ELAVL4: variants seen among roughly 807,000 people sequenced by gnomAD.
The protein encoded by ELAVL4 is ELAV-like protein 4.
ELAVL4 carries 1 observed loss-of-function variant against 35.6 expected under a neutral mutation model. The observed-to-expected ratio is 0.03, with a 90% CI of 0.01 to 0.13. ELAVL4 has a LOEUF of 0.13. Ranked by LOEUF, ELAVL4 falls within the 10% of genes least tolerant of loss-of-function variation. The pLI is 1.00. For missense variants in ELAVL4, 267 were observed against 464.9 expected (o/e 0.57, Z 3.91); for synonymous variants, 156 against 171.0 (o/e 0.91, Z 0.69).
chr1:50,086,937 C>T (rs1557694699), intron 1 of ELAVL4, among the ~76,000 whole-genome samples: 1 of 152,144 alleles, frequency 6.6e-6, no homozygotes, highest in Non-Finnish European at 1.5e-5. Context: ...CAAGTCACTC[C>T]TTGGCCTCTG....
At chr1:50,060,326 A>C (rs2148476439) in intron 1 of ELAVL4, among the ~76,000 whole-genome samples, 2 of 152,334 alleles carry the variant, frequency 1.3e-5, no homozygotes, top group South Asian at 4.1e-4. Context: ...GTTTATCAAA[A>C]GCTCGACTTC....
intron 2 of ELAVL4, among the ~76,000 whole-genome samples, chr1:50,148,280 C>G (rs939703471): frequency 1.3e-5 from 2 of 152,184 alleles, no homozygotes; most frequent in Non-Finnish European, 2.9e-5. Context: ...CCTGCCTAAC[C>G]TGCACTTCAT....
chr1:50,121,860 C>T (rs1669096251), intron 1 of ELAVL4, among the ~76,000 whole-genome samples: 2 of 151,944 alleles, frequency 1.3e-5, no homozygotes, highest in African/African-American at 4.8e-5. Flanking sequence ...AACCTTATGC[C>T]TTGGTTGTGC....
intron 2 of ELAVL4, among the ~76,000 whole-genome samples, chr1:50,172,619 G>C (rs755247158): frequency 1.3e-5 from 2 of 152,130 alleles, no homozygotes; most frequent in Non-Finnish European, 2.9e-5. Context: ...AGAGTTGTCA[G>C]GGACCCTAAG....
intron 1 of ELAVL4, among the ~76,000 whole-genome samples, chr1:50,140,852 A>T (rs939730340): frequency 8.5e-5 from 13 of 152,134 alleles, no homozygotes; most frequent in African/African-American, 3.1e-4. Flanking sequence ...GAATGACTTG[A>T]CCTAATTTAT....
intron 1 of ELAVL4, among the ~76,000 whole-genome samples, chr1:50,052,053 A>T (rs1392708673): frequency 6.6e-6 from 1 of 152,050 alleles, no homozygotes; most frequent in African/African-American, 2.4e-5. Flanking sequence ...TACCTTAATT[A>T]CTTTTTTAAA....
chr1:50,053,850 A>G (rs1663523769), intron 1 of ELAVL4, among the ~76,000 whole-genome samples: 2 of 152,226 alleles, frequency 1.3e-5, no homozygotes, highest in Non-Finnish European at 2.9e-5. Flanking sequence ...GAGTAAGATA[A>G]AGAGGGATAA....
Position 50,081,529 on chromosome 1 carries a change from T to C in ELAVL4, c.18+33347T>C, listed in dbSNP as rs1238457199. ...TTCATCCAGATTCTGATTCAGTGTG[T>C]CTGGGCTAGAGCCCAGGAATCTGCC... is the stretch of plus-strand genomic sequence containing the variant. On this transcript the variant is annotated intron_variant, in intron 1 of 6. Transcript: ENST00000448907. 4.6e-5 allele frequency among the ~76,000 whole-genome samples: 7 copies of C among 152,382 alleles called. 2 individuals are homozygous for C. The highest frequency in any genetic ancestry group is 6.8e-3 in the Middle Eastern group (2 of 294).
At chr1:50,182,452 G>T (rs1265822466) in intron 3 of ELAVL4, among the ~76,000 whole-genome samples, 2 of 152,188 alleles carry the variant, frequency 1.3e-5, no homozygotes, top group Non-Finnish European at 2.9e-5. Flanking sequence ...AGAAGCTCCT[G>T]TCTCATGGGG....
chr1:50,061,645 G>T (rs1663982286), intron 1 of ELAVL4, among the ~76,000 whole-genome samples: 1 of 152,206 alleles, frequency 6.6e-6, no homozygotes, highest in Non-Finnish European at 1.5e-5. Flanking sequence ...AAGGAGTGCA[G>T]TTAGATGACA....
intron 1 of ELAVL4, among the ~76,000 whole-genome samples, chr1:50,057,889 T>G (rs1346662593): frequency 6.6e-6 from 1 of 152,234 alleles, no homozygotes; most frequent in African/African-American, 2.4e-5. Context: ...AAGAAACTTT[T>G]GTATACATGG....
rs1644127849 is a variant in ELAVL4, at chr1:50,197,492, A to C, written c.773+25A>C. On this transcript the variant is annotated intron_variant, in intron 6 of 6. Coordinates refer to ENST00000371824, the MANE Select transcript of ELAVL4 (RefSeq NM_001144774.3). ...GGTAATTAAAACTCCACAGATTGCC[A>C]GATGTCCATGTTGGCACAGACTGGG... The C allele has an allele frequency of 1.9e-6, 3 of 1,559,612 alleles. No homozygotes were observed. In the East Asian group the frequency reaches 7.3e-5, roughly 38 times the overall value.
At chr1:50,103,957 C>G, upstream of ELAVL4, 1 of 1,613,974 alleles carries the variant, frequency 6.2e-7, no homozygotes, top group South Asian at 1.1e-5. Context: ...TCTGGAACTG[C>G]CCTAATCGAC....
chr1:50,168,946 G>GTGTA (rs1553184072), intron 2 of ELAVL4, among the ~76,000 whole-genome samples: 11 of 139,688 alleles, frequency 7.9e-5, no homozygotes, highest in Non-Finnish European at 1.4e-4. Context: ...TAGGAGATAT[G>GTGTA]TATATATATA....
intron 1 of ELAVL4, among the ~76,000 whole-genome samples, chr1:50,117,303 T>C (rs903441050): frequency 3.3e-5 from 5 of 152,072 alleles, no homozygotes; most frequent in African/African-American, 9.7e-5. Flanking sequence ...GTAGAAAAAT[T>C]AGATTTATTT....
chr1:50,083,926 C>T (rs1032879219), intron 1 of ELAVL4, among the ~76,000 whole-genome samples: 11 of 152,142 alleles, frequency 7.2e-5, no homozygotes, highest in African/African-American at 1.9e-4. Flanking sequence ...CTGCATTTTG[C>T]ATAGCTGAGT....
At chr1:50,127,336 A>G (rs1670109851) in intron 1 of ELAVL4, among the ~76,000 whole-genome samples, 1 of 152,044 alleles carries the variant, frequency 6.6e-6, no homozygotes, top group African/African-American at 2.4e-5. Context: ...GTAAAAAGCG[A>G]CTCAATATAG....
intron 1 of ELAVL4, among the ~76,000 whole-genome samples, chr1:50,093,568 G>A (rs1424574799): frequency 6.6e-6 from 1 of 152,160 alleles, no homozygotes; most frequent in South Asian, 2.1e-4. Context: ...TATGCCTGTT[G>A]TCTTGTTGTA....
intron 1 of ELAVL4, chr1:50,110,086 C>A: frequency 7.8e-7 from 1 of 1,284,296 alleles, no homozygotes; most frequent in Non-Finnish European, 1.1e-6. Flanking sequence ...CTGTGCTGAT[C>A]GTTTGTGTGT....
Sources: gnomAD v4.1 joint callset for allele counts (sites outside exome capture counted in the v4.1 genomes callset) on GRCh38, gnomAD v4.1.1 for gene constraint, MANE v1.5 for transcripts, NCBI Gene and HGNC (gene_info 2026-07-23, HGNC 2026-07-21) for gene names.